DENND2A: variants seen among roughly 807,000 people sequenced by gnomAD.
The protein encoded by DENND2A is DENN domain-containing protein 2A.
DENND2A carries 53 observed loss-of-function variants against 105.3 expected under a neutral mutation model. The ratio of observed to expected loss-of-function variants is 0.50; its 90% CI spans 0.40 to 0.63. The LOEUF (loss-of-function observed/expected upper bound fraction) is 0.63, where lower values mean the gene tolerates loss of function less well. Ranked by LOEUF, DENND2A falls within the 30% of genes least tolerant of loss-of-function variation. The pLI, the probability that DENND2A is intolerant of heterozygous loss-of-function variation, is 0.00. For missense variants in DENND2A, 1,138 were observed against 1,279.6 expected, an observed-to-expected ratio of 0.89 and a Z score of 1.69; for synonymous variants, 522 against 508.4, an observed-to-expected ratio of 1.03 and a Z score of -0.36.
chr7:140,552,936 T>C (rs1396106449), intron 12 of DENND2A, among the ~76,000 whole-genome samples: 4 of 151,964 alleles, frequency 2.6e-5, no homozygotes, highest in Admixed American at 1.3e-4. Context: ...TGAGTTTAGG[T>C]GGAGGGTGGG....
rs767280446 is a variant in DENND2A at position 140,559,922 on chromosome 7, T to G, written c.1780-105A>C. 2 of 849,294 alleles carry G rather than the reference T, an allele frequency of 2.4e-6. No homozygotes were observed. Among genetic ancestry groups the G allele is most frequent in the Non-Finnish European group, 3.9e-6 (2 of 509,714 alleles). The allele number at this position is 849,294 out of a possible 1,614,324, so 52.6% of individuals were successfully genotyped here. A position where few individuals can be genotyped will look rare whatever the true frequency, so the allele number is the denominator to read the frequency against. ...TCTCCCACCTTTCCACATTTGTGAC[T>G]GCCGCCTTAGCCTCTTCCCTTGGGA... is the stretch of plus-strand genomic sequence containing the variant. On this transcript the variant is annotated intron_variant, in intron 9 of 19. Transcript: ENST00000496613. The surrounding 1 kb of genome is among the most constrained non-coding windows in gnomAD (Gnocchi z 4.1).
At chr7:140,554,983 A>G (rs1160226876) in intron 12 of DENND2A, among the ~76,000 whole-genome samples, 1 of 152,206 alleles carries the variant, frequency 6.6e-6, no homozygotes, top group Non-Finnish European at 1.5e-5. Context: ...TTTTCACGCC[A>G]AAGCTCATAT....
intron 1 of DENND2A, among the ~76,000 whole-genome samples, chr7:140,612,060 T>C (rs765292955): frequency 6.6e-6 from 1 of 151,934 alleles, no homozygotes; most frequent in Non-Finnish European, 1.5e-5. Flanking sequence ...GACCAAATGG[T>C]GAAACCCCGT....
intron 14 of DENND2A, among the ~76,000 whole-genome samples, chr7:140,542,362 C>T (rs2130514110): frequency 1.3e-5 from 2 of 152,222 alleles, no homozygotes; most frequent in Non-Finnish European, 2.9e-5. Context: ...TCCTATGGGG[C>T]ACTGAGTTTG....
intron 14 of DENND2A, among the ~76,000 whole-genome samples, chr7:140,541,618 A>C (rs1161578721): frequency 6.6e-6 from 1 of 152,202 alleles, no homozygotes; most frequent in African/African-American, 2.4e-5. Context: ...CTGAAGGGTT[A>C]TTACTCATCC....
At chr7:140,573,305 T>C (rs1798170031) in intron 6 of DENND2A, among the ~76,000 whole-genome samples, 1 of 152,146 alleles carries the variant, frequency 6.6e-6, no homozygotes, top group Admixed American at 6.5e-5. Context: ...AGCACTGAAA[T>C]TGAGCAAAAG....
At chr7:140,594,659 A>C (rs920724407) in intron 3 of DENND2A, among the ~76,000 whole-genome samples, 1 of 152,188 alleles carries the variant, frequency 6.6e-6, no homozygotes, top group Admixed American at 6.5e-5. Context: ...TCATTATTAC[A>C]TTCCTATGTC....
chr7:140,640,022 C>T lies in DENND2A; in HGVS notation c.-248+482G>A, dbSNP rs1216001234. Among the ~76,000 whole-genome samples, 1 of 152,228 alleles carries T rather than the reference C, an allele frequency of 6.6e-6. No individual in the cohort carries two copies. Among genetic ancestry groups the T allele is most frequent in the East Asian group, 1.9e-4 (1 of 5,184 alleles). ...AATCATCTTTACCTTCTTGCTTTCCCAAGACTGCAAATGCTGACCGCTGTG... is the reference window on the plus strand; with the variant it reads ...AATCATCTTTACCTTCTTGCTTTCCTAAGACTGCAAATGCTGACCGCTGTG... On this transcript the variant is annotated intron_variant, in intron 1 of 19. Coordinates refer to ENST00000496613, the MANE Select transcript of DENND2A (RefSeq NM_015689.5). This position sits in a 1 kb window ranked among gnomAD's most constrained non-coding sequence, Gnocchi z 4.9.
intron 1 of DENND2A, among the ~76,000 whole-genome samples, chr7:140,625,959 C>G (rs913183614): frequency 2.0e-5 from 3 of 152,192 alleles, no homozygotes; most frequent in African/African-American, 7.2e-5. Context: ...TTACTATTCC[C>G]TAAGCAAGAT....
intron 13 of DENND2A, among the ~76,000 whole-genome samples, chr7:140,545,393 C>T (rs772213319): frequency 6.6e-6 from 1 of 152,120 alleles, no homozygotes; most frequent in Non-Finnish European, 1.5e-5. Flanking sequence ...CTCTGTTGCC[C>T]AGGCTGGAGT....
chr7:140,558,792 T>C (rs143354277), intron 10 of DENND2A, among the ~76,000 whole-genome samples: 142 of 135,328 alleles, frequency 1.0e-3, no homozygotes, highest in Middle Eastern at 3.7e-3. Flanking sequence ...TCCTGGGCTA[T>C]CCTGTCATTT....
chr7:140,538,312 T>A (rs1421249706), intron 14 of DENND2A, among the ~76,000 whole-genome samples: 2 of 151,946 alleles, frequency 1.3e-5, no homozygotes, highest in African/African-American at 2.4e-5. Flanking sequence ...ACGCACTGAG[T>A]CTGTGACATG....
chr7:140,601,286 C>A, intron 3 of DENND2A, 117 bp downstream of exon 3: 1 of 1,378,000 alleles, frequency 7.3e-7, no homozygotes. Context: ...ATCTGGACTA[C>A]AAGATCCATC....
chr7:140,601,543 A>G lies in DENND2A; in HGVS notation c.855T>C (p.Pro285=). ...HAGEGDKDGK[P]GIGFRKEKRN... ...TTTTCTCTTTCCTGAAGCCGATGCC[A>G]GGCTTCCCATCTTTGTCCCCTTCTC... The change falls in exon 3 of 20, where the codon CCT becomes CCC. Residue 285 remains proline (P), a synonymous_variant. Coordinates refer to ENST00000496613, the MANE Select transcript of DENND2A (RefSeq NM_015689.5). 1 of 1,614,148 alleles carries G rather than the reference A, an allele frequency of 6.2e-7. No individual in the cohort carries two copies. The highest frequency in any genetic ancestry group is 8.5e-7 in the Non-Finnish European group (1 of 1,180,032).
Position 140,567,131 on chromosome 7 carries a change from G to A in DENND2A, c.1734C>T (p.Ala578=), listed in dbSNP as rs200475620. The change falls in exon 9 of 20, where the codon GCC becomes GCT. Residue 578 remains alanine (A), a synonymous_variant. Transcript: ENST00000496613. ...TGAGTTCTGGCACGTAGGCAGCCCC[G>A]GCCTGCTTCTTGTGCAAAGACACAA... ...FVVVSLHKKQ[A]GAAYVPELTQ... The A allele has an allele frequency of 8.9e-5, 143 of 1,609,542 alleles. No individual in the cohort carries two copies. In the East Asian group the frequency reaches 2.9e-3, roughly 32 times the overall value.
chr7:140,551,538 T>C (rs1218452768), intron 12 of DENND2A, among the ~76,000 whole-genome samples: 1 of 152,010 alleles, frequency 6.6e-6, no homozygotes, highest in Non-Finnish European at 1.5e-5. Flanking sequence ...CGCCCAGACT[T>C]GTAGCCTCTA....
Position 140,579,219 on chromosome 7 carries a change from G to A in DENND2A, c.1246-5211C>T, listed in dbSNP as rs569722719. 2.0e-4 allele frequency among the ~76,000 whole-genome samples: 30 copies of A among 151,944 alleles called. No homozygotes were observed. The East Asian group carries it at 4.5e-3, about 23-fold the overall frequency. ...GAGGCAGGAGAATTGCTTGAATCCC[G>A]GAGGCGGAGGTTGCAGTAAGTCACG... On this transcript the variant is annotated intron_variant, in intron 5 of 19. Transcript: ENST00000496613.
At chr7:140,628,733 G>A (rs560083375) in intron 1 of DENND2A, among the ~76,000 whole-genome samples, 2 of 151,714 alleles carry the variant, frequency 1.3e-5, no homozygotes, top group Non-Finnish European at 2.9e-5. Flanking sequence ...GTAGAGACGG[G>A]GTTTCACCAT....
intron 3 of DENND2A, among the ~76,000 whole-genome samples, chr7:140,595,754 C>T (rs533148477): frequency 6.6e-5 from 10 of 151,340 alleles, no homozygotes; most frequent in African/African-American, 1.5e-4. Flanking sequence ...GGAGACAGAG[C>T]AAGACCCTGT....
Sources: gnomAD v4.1 joint callset for allele counts (sites outside exome capture counted in the v4.1 genomes callset) on GRCh38, gnomAD v4.1.1 for gene constraint, Gnocchi (gnomAD v3.1) non-coding constraint, MANE v1.5 for transcripts, NCBI Gene and HGNC (gene_info 2026-07-23, HGNC 2026-07-21) for gene names.